NEBL: variants seen among roughly 807,000 people sequenced by gnomAD.
NEBL encodes the protein nebulette.
A neutral mutation model predicts 140.2 loss-of-function variants in NEBL; 122 were observed. The ratio of observed to expected loss-of-function variants is 0.87; its 90% confidence interval spans 0.75 to 1.01. The LOEUF (loss-of-function observed/expected upper bound fraction) is 1.01, where lower values mean the gene tolerates loss of function less well. Ranked by LOEUF, NEBL falls within the 50% of genes least tolerant of loss-of-function variation. The pLI is 0.00. For missense variants in NEBL, 1,365 were observed against 1,231.3 expected (o/e 1.11, Z -1.62); for synonymous variants, 436 against 398.9 (o/e 1.09, Z -1.11).
At chr10:21,291,951 A>G (rs569310294) in intron 1 of NEBL, among the ~76,000 whole-genome samples, 2 of 152,346 alleles carry the variant, frequency 1.3e-5, no homozygotes, top group South Asian at 2.1e-4. Flanking sequence ...TTGTTTTACA[A>G]TTAAACCCAT....
upstream of NEBL, chr10:20,897,399 T>C (rs1847607193): frequency 4.4e-6 from 6 of 1,363,908 alleles, no homozygotes; most frequent in Middle Eastern, 2.7e-4. Context: ...ATCCCAGAGG[T>C]CTACCAGGCT....
At chr10:20,934,265 G>A (rs1418477151) in intron 4 of NEBL, among the ~76,000 whole-genome samples, 1 of 152,006 alleles carries the variant, frequency 6.6e-6, no homozygotes, top group Non-Finnish European at 1.5e-5. Flanking sequence ...ACTCAAATTC[G>A]GCTGTCATGA....
At chr10:20,935,668 C>T (rs776560044) in intron 4 of NEBL, among the ~76,000 whole-genome samples, 2 of 152,188 alleles carry the variant, frequency 1.3e-5, no homozygotes, top group Non-Finnish European at 2.9e-5. Context: ...AAGAAATACA[C>T]GGTTTTCTCC....
chr10:21,164,795 A>G (rs1840695743), intron 2 of NEBL, among the ~76,000 whole-genome samples: 2 of 152,346 alleles, frequency 1.3e-5, no homozygotes, highest in Admixed American at 6.5e-5. Context: ...TATTGGCTCA[A>G]AGTATCTCCT....
At chr10:21,010,849 C>A (rs1426018727) in intron 3 of NEBL, among the ~76,000 whole-genome samples, 2 of 152,154 alleles carry the variant, frequency 1.3e-5, no homozygotes, top group African/African-American at 4.8e-5. Flanking sequence ...TCTTGTCTTT[C>A]GTCCTGTGCC....
In NEBL at chr10:20,835,564, A is replaced by G. The variant is rs1182619125; in HGVS notation, c.1398T>C (p.Thr466=). 6.2e-7 allele frequency: 1 copy of G among 1,612,812 alleles called. No homozygotes were observed. Among genetic ancestry groups the G allele is most frequent in the African/African-American group, 1.3e-5 (1 of 74,928 alleles). The part of the protein sequence containing the change: ...IIKGKGMQAG[T]DTLEMQHAKK... Reference sequence around the variant, plus strand: ...TGGCATGCTGCATTTCAAGGGTGTCAGTGCCAGCTTGCATTCCTTTCCCTT... The same window carrying G: ...TGGCATGCTGCATTTCAAGGGTGTCGGTGCCAGCTTGCATTCCTTTCCCTT... The change falls in exon 14 of 28, where the codon ACT becomes ACC. Residue 466 remains threonine, a synonymous_variant. Coordinates refer to ENST00000377122, the MANE Select transcript of NEBL (RefSeq NM_006393.3).
chr10:20,815,310 C>T (rs1036624282), intron 22 of NEBL, among the ~76,000 whole-genome samples: 4 of 152,142 alleles, frequency 2.6e-5, no homozygotes, highest in South Asian at 2.1e-4. Flanking sequence ...AATTATTTAA[C>T]GCACACATCA....
At chr10:21,085,230 T>C (rs913608083) in intron 2 of NEBL, among the ~76,000 whole-genome samples, 2 of 152,248 alleles carry the variant, frequency 1.3e-5, no homozygotes, top group Non-Finnish European at 1.5e-5. Context: ...AAAAGTAGAA[T>C]GCCCTTCTGA....
Position 20,845,283 on chromosome 10 carries a change from T to G in NEBL, c.1202A>C (p.Lys401Thr), listed in dbSNP as rs1346871852. ...CTCCCTCAGAAGGTTGGTGATGTAC[T>G]TTACATGTAAAAATTCTGGAGTCTT... ...LDKTPEFLHVKYITNLLREKE... is the reference protein window; with the variant it reads ...LDKTPEFLHVTYITNLLREKE... Residue 401 changes from lysine to threonine, a missense_variant, in exon 12 of 28, where the codon AAG becomes ACG. Transcript: ENST00000377122. 1 of 1,590,630 alleles carries G rather than the reference T, an allele frequency of 6.3e-7. No individual in the cohort carries two copies. The highest frequency in any genetic ancestry group is 1.7e-5 in the Admixed American group (1 of 59,882).
In NEBL at chr10:20,850,423, G is replaced by A. The variant is rs747086170; in HGVS notation, c.1088C>T (p.Ser363Leu). 1 of 1,610,732 alleles carries A rather than the reference G, an allele frequency of 6.2e-7. No individual in the cohort carries two copies. The highest frequency in any genetic ancestry group is 8.5e-7 in the Non-Finnish European group (1 of 1,177,006). The change falls in exon 11 of 28, where the codon TCA (serine) becomes TTA (leucine). Residue 363 changes from serine (S) to leucine (L), a missense_variant. Physicochemically the swap from Ser to Leu is moderately radical, Grantham distance 145 (BLOSUM62 -2). Transcript: ENST00000377122. Reference sequence around the variant, plus strand: ...ACTTTGCATCTTTTGAGCCTCCTTTGAAGCTTGATATGATGGTGTCTCAAC... The same window carrying A: ...ACTTTGCATCTTTTGAGCCTCCTTTAAAGCTTGATATGATGGTGTCTCAAC... ...EFVETPSYQA[S>L]KEAQKMQSEK...
chr10:20,930,354 C>A (rs140282617), intron 4 of NEBL, among the ~76,000 whole-genome samples: 1 of 152,138 alleles, frequency 6.6e-6, no homozygotes, highest in East Asian at 1.9e-4. Context: ...TTCTTTTCTC[C>A]ATTTCTATGG....
intron 3 of NEBL, among the ~76,000 whole-genome samples, chr10:21,233,732 C>T (rs1277209681): frequency 7.2e-6 from 1 of 139,436 alleles, no homozygotes; most frequent in South Asian, 2.2e-4. Context: ...ATATATATTA[C>T]ATATATAGAT....
chr10:21,126,109 T>C (rs766215804), intron 2 of NEBL: 1 of 1,612,146 alleles, frequency 6.2e-7, no homozygotes, highest in Admixed American at 1.7e-5. Flanking sequence ...GGCTCTCCGT[T>C]CTGCCTTACC....
intron 3 of NEBL, among the ~76,000 whole-genome samples, chr10:20,989,419 C>A (rs1837376009): frequency 6.6e-6 from 1 of 152,022 alleles, no homozygotes; most frequent in Non-Finnish European, 1.5e-5. Flanking sequence ...GACTGGAAAC[C>A]TCAATAAATA....
chr10:21,104,531 C>T (rs1837621221), intron 2 of NEBL, among the ~76,000 whole-genome samples: 2 of 152,098 alleles, frequency 1.3e-5, no homozygotes, highest in Admixed American at 1.3e-4. Context: ...GTTCTAATTG[C>T]TTATTGCCAG....
In NEBL at chr10:20,868,563, T is replaced by C. The variant is rs2296609; in HGVS notation, c.684+101A>G. ...GTTCAGAAACATTATCTCTGTTTAT[T>C]CTTGCAATTAAAGATATTATCTAAA... On this transcript the variant is annotated intron_variant, in intron 7 of 27. Transcript: ENST00000377122. 625,783 of 869,844 alleles carry C rather than the reference T, an allele frequency of 0.72. 226,780 individuals are homozygous for C. The highest frequency in any genetic ancestry group is 0.77 in the African/African-American group (46,382 of 60,476). 53.9% of individuals were successfully genotyped at this position (869,844 alleles called of 1,614,324 possible). A position where few individuals can be genotyped will look rare whatever the true frequency, so the allele number is the denominator to read the frequency against.
intron 3 of NEBL, among the ~76,000 whole-genome samples, chr10:21,222,811 G>A (rs1842090045): frequency 6.6e-6 from 1 of 152,112 alleles, no homozygotes; most frequent in African/African-American, 2.4e-5. Flanking sequence ...CGCCCAGGCT[G>A]GAATGCAATG....
intron 19 of NEBL, among the ~76,000 whole-genome samples, chr10:20,820,957 G>A (rs746087652): frequency 1.3e-5 from 2 of 152,180 alleles, no homozygotes; most frequent in Admixed American, 6.5e-5. Flanking sequence ...AAGGGGTAAG[G>A]TTCCTCTGGC....
At chr10:21,063,263 T>C (rs1032794461) in intron 2 of NEBL, among the ~76,000 whole-genome samples, 1 of 152,172 alleles carries the variant, frequency 6.6e-6, no homozygotes, top group African/African-American at 2.4e-5. Context: ...GCCCACGTGC[T>C]CACTTGTCAT....
Sources: allele counts gnomAD v4.1 joint callset (sites outside exome capture counted in the v4.1 genomes callset), GRCh38; gene constraint gnomAD v4.1.1; transcripts MANE v1.5; gene names NCBI Gene and HGNC (gene_info 2026-07-23, HGNC 2026-07-21).